EPHB2: variants seen among roughly 807,000 people sequenced by gnomAD.
EPHB2 encodes the protein EPH receptor B2, also known as ephrin type-B receptor 2.
In EPHB2, 18 loss-of-function variants were observed where a neutral mutation model predicts 96.4. That is an observed-to-expected ratio of 0.19 (90% CI 0.13 to 0.28). The LOEUF is 0.28. Among genes scored for constraint, EPHB2 ranks in the 10% least tolerant of loss-of-function variants. EPHB2 has a pLI of 1.00. For synonymous variants in EPHB2, 506 were observed against 534.1 expected, an observed-to-expected ratio of 0.95 and a Z score of 0.72; for missense variants, 989 against 1,355.4, an observed-to-expected ratio of 0.73 and a Z score of 4.25.
rs1248482791 is a variant in EPHB2 at position 22,790,608 on chromosome 1, C to T, written c.811+5532C>T. ...CTGTTCTCCTTGGTCTCTCCTTACC[C>T]ACCTCAGTCCCACTTCTGCCTGCCC... On this transcript the variant is annotated intron_variant, in intron 3 of 15. Transcript: ENST00000374630. This position sits in a 1 kb window ranked among gnomAD's most constrained non-coding sequence, Gnocchi z 4.0. 6.6e-6 allele frequency among the ~76,000 whole-genome samples: 1 copy of T among 152,360 alleles called. No individual in the cohort carries two copies. The highest frequency in any genetic ancestry group is 1.9e-4 in the East Asian group (1 of 5,188).
chr1:22,867,140 G>A (rs1383611907), intron 5 of EPHB2, among the ~76,000 whole-genome samples: 1 of 152,224 alleles, frequency 6.6e-6, no homozygotes, highest in Non-Finnish European at 1.5e-5. Context: ...CCAGTTCTTG[G>A]GCGAAGTCCT....
chr1:22,893,005 G>A lies in EPHB2; in HGVS notation c.1550G>A (p.Gly517Glu), dbSNP rs1225749311. ...CGGGCACGCACCGTGGCAGGTTACGGGCGCTACAGCGGCAAGATGTACTTC... is the reference window on the plus strand; with the variant it reads ...CGGGCACGCACCGTGGCAGGTTACGAGCGCTACAGCGGCAAGATGTACTTC... ...QVRARTVAGYGRYSGKMYFQT... is the reference protein window; with the variant it reads ...QVRARTVAGYERYSGKMYFQT... The change falls in exon 7 of 16, where the codon GGG becomes GAG. Residue 517 changes from glycine (G) to glutamate (E), a missense_variant. Physicochemically the swap from Gly to Glu is moderately conservative, Grantham distance 98. Coordinates refer to ENST00000374630, the MANE Select transcript of EPHB2 (RefSeq NM_017449.5). 1.2e-6 allele frequency: 2 copies of A among 1,614,232 alleles called. No homozygotes were observed. The highest frequency in any genetic ancestry group is 1.1e-5 in the South Asian group (1 of 91,084).
At chr1:22,901,429 A>C (rs1639743749) in intron 9 of EPHB2, among the ~76,000 whole-genome samples, 1 of 152,208 alleles carries the variant, frequency 6.6e-6, no homozygotes, top group Non-Finnish European at 1.5e-5. Context: ...CAGAATTAGC[A>C]GCGGTGCCAG....
Position 22,895,568 on chromosome 1 carries a change from T to G in EPHB2, c.1688T>G (p.Ile563Ser). 2 of 1,614,242 alleles carry G rather than the reference T, an allele frequency of 1.2e-6. No homozygotes were observed. The highest frequency in any genetic ancestry group is 1.7e-6 in the Non-Finnish European group (2 of 1,180,030). ...VFLIAVVVIA[I>S]VCNRRGFERA... ...CTCATTGCTGTGGTTGTCATCGCCA[T>G]CGTGTGTAACAGGTGGGTGGGGTCT... The change falls in exon 8 of 16, where the codon ATC (isoleucine) becomes AGC (serine). Residue 563 changes from isoleucine (I) to serine (S), a missense_variant. Transcript: ENST00000374630.
chr1:22,755,034 T>C (rs1644127960), intron 1 of EPHB2, among the ~76,000 whole-genome samples: 1 of 150,398 alleles, frequency 6.6e-6, no homozygotes, highest in Non-Finnish European at 1.5e-5. Flanking sequence ...CCCCCTCTCC[T>C]GCTCTTTGTT....
At chr1:22,842,699 C>A (rs575203736) in intron 3 of EPHB2, among the ~76,000 whole-genome samples, 144 of 152,286 alleles carry the variant, frequency 9.5e-4, no homozygotes, top group African/African-American at 3.4e-3. Flanking sequence ...CCACTCAGTT[C>A]CCCCATATTC....
chr1:22,761,388 G>A (rs1428006875), intron 1 of EPHB2, among the ~76,000 whole-genome samples: 1 of 152,172 alleles, frequency 6.6e-6, no homozygotes, highest in Non-Finnish European at 1.5e-5. Context: ...TGACTTTTCT[G>A]TGTTTTCCAA....
intron 8 of EPHB2, 86 bp downstream of exon 8, chr1:22,895,666 T>C: frequency 7.8e-7 from 1 of 1,278,606 alleles, no homozygotes. Flanking sequence ...ACAGTGCTGG[T>C]GAACCGAGGA....
At chr1:22,782,364 T>C (rs948164449) in intron 2 of EPHB2, among the ~76,000 whole-genome samples, 4 of 152,150 alleles carry the variant, frequency 2.6e-5, no homozygotes, top group Middle Eastern at 3.4e-3. Flanking sequence ...TCATCCCTCA[T>C]CCCCGCCGTC....
intron 3 of EPHB2, among the ~76,000 whole-genome samples, chr1:22,847,731 A>G (rs961978865): frequency 6.6e-6 from 1 of 152,118 alleles, no homozygotes; most frequent in Non-Finnish European, 1.5e-5. Flanking sequence ...ATCACCAAGC[A>G]CACAAAACCC....
intron 1 of EPHB2, among the ~76,000 whole-genome samples, chr1:22,715,716 T>C (rs1643275616): frequency 6.6e-6 from 1 of 152,232 alleles, no homozygotes; most frequent in Admixed American, 6.5e-5. Context: ...CTAGTTCATG[T>C]CAGGGGCTGG....
chr1:22,816,333 C>T (rs889287571), intron 3 of EPHB2, among the ~76,000 whole-genome samples: 4 of 152,154 alleles, frequency 2.6e-5, no homozygotes, highest in Non-Finnish European at 5.9e-5. Flanking sequence ...CCCTGGTTGA[C>T]CAGGATGTCT....
At chr1:22,910,646 C>T in intron 14 of EPHB2, 71 bp downstream of exon 14, 2 of 1,563,304 alleles carry the variant, frequency 1.3e-6, no homozygotes. Context: ...CTTCTGCCCC[C>T]ACTTCAGGCA....
intron 5 of EPHB2, among the ~76,000 whole-genome samples, chr1:22,877,906 C>G (rs530031113): frequency 6.6e-6 from 1 of 152,364 alleles, no homozygotes; most frequent in South Asian, 2.1e-4. Flanking sequence ...AGTAGAATCT[C>G]AGTGGGGGGT....
intron 3 of EPHB2, among the ~76,000 whole-genome samples, chr1:22,859,114 G>A (rs1044125852): frequency 6.6e-6 from 1 of 152,158 alleles, no homozygotes. Flanking sequence ...CTCCAGCCTG[G>A]TCAACACAGC....
chr1:22,850,236 G>T (rs1570383120), intron 3 of EPHB2, among the ~76,000 whole-genome samples: 1 of 152,326 alleles, frequency 6.6e-6, no homozygotes, highest in East Asian at 1.9e-4. Context: ...CCCAGCAGGG[G>T]TGGCCAGTAC....
intron 1 of EPHB2, among the ~76,000 whole-genome samples, chr1:22,771,967 A>G (rs1161865093): frequency 6.6e-6 from 1 of 152,068 alleles, no homozygotes; most frequent in Non-Finnish European, 1.5e-5. Flanking sequence ...CAGGGTTGTC[A>G]TGGGAACTAA....
chr1:22,887,501 C>T lies in EPHB2; in HGVS notation c.1428+5018C>T, dbSNP rs112007130. ...TTCTTCAGAAAGGGCTCTCTAGGAG[C>T]GGGCCCTCCGTTTGGCCTTCCCCAA... On this transcript the variant is annotated intron_variant, in intron 6 of 15. Coordinates refer to ENST00000374630, the MANE Select transcript of EPHB2 (RefSeq NM_017449.5). 8.0e-3 allele frequency among the ~76,000 whole-genome samples: 1,223 copies of T among 152,340 alleles called. 9 individuals carry two copies. The highest frequency in any genetic ancestry group is 0.02 in the Middle Eastern group (6 of 294).
intron 2 of EPHB2, among the ~76,000 whole-genome samples, chr1:22,782,841 G>C (rs1389274508): frequency 2.6e-5 from 4 of 152,158 alleles, no homozygotes; most frequent in African/African-American, 9.7e-5. Flanking sequence ...GGCTGAGCCA[G>C]TCAGCTCCAG....
Sources: allele counts gnomAD v4.1 joint callset (sites outside exome capture counted in the v4.1 genomes callset), GRCh38; gene constraint gnomAD v4.1.1; non-coding constraint Gnocchi (gnomAD v3.1); transcripts MANE v1.5; gene names NCBI Gene and HGNC (gene_info 2026-07-23, HGNC 2026-07-21).